The following NAP1L1 variants were observed in gnomAD, a reference collection of about 807,000 sequenced individuals.
NAP1L1 encodes the protein nucleosome assembly protein 1 like 1, also known as nucleosome assembly protein 1-like 1.
In NAP1L1, 9 loss-of-function variants were observed where a neutral mutation model predicts 58.9. The ratio of observed to expected loss-of-function variants is 0.15; its 90% CI spans 0.09 to 0.27. The LOEUF is 0.27. Among genes scored for constraint, NAP1L1 ranks in the 10% least tolerant of loss-of-function variants. The probability of loss-of-function intolerance (pLI) is 1.00; values close to 1 mark genes in which losing one functional copy is unlikely to be tolerated. For synonymous variants in NAP1L1, 130 were observed against 138.3 expected, an observed-to-expected ratio of 0.94 and a Z score of 0.42; for missense variants, 302 against 458.8, an observed-to-expected ratio of 0.66 and a Z score of 3.12.
chr12:76,059,800 A>G lies in NAP1L1; in HGVS notation c.427T>C (p.Ser143Pro). 1 of 1,570,828 alleles carries G rather than the reference A, an allele frequency of 6.4e-7. No homozygotes were observed. The highest frequency in any genetic ancestry group is 8.7e-7 in the Non-Finnish European group (1 of 1,147,146). The part of the protein sequence containing the change: ...EWKPDEEDEI[S>P]EELKEKAKIE... ...ACCAAAATAAAGTTGGTACTAACCGAAATCTCATCTTCTTCATCTGGTTTC... is the reference window on the plus strand; with the variant it reads ...ACCAAAATAAAGTTGGTACTAACCGGAATCTCATCTTCTTCATCTGGTTTC... Residue 143 changes from serine (S) to proline (P), a missense_variant and splice_region_variant, in exon 6 of 15, where the codon TCG becomes CCG. Ser to Pro is a moderately conservative substitution (Grantham distance 74). Coordinates refer to ENST00000618691, the MANE Select transcript of NAP1L1 (RefSeq NM_004537.7).
intron 9 of NAP1L1, 121 bp downstream of exon 9, chr12:76,053,649 A>G (rs1174578847): frequency 7.3e-6 from 9 of 1,226,964 alleles, no homozygotes; most frequent in South Asian, 3.2e-5. Context: ...TTCAGAAAAC[A>G]TATTACCAAA....
chr12:76,061,707 A>T (rs1592651296), intron 4 of NAP1L1, among the ~76,000 whole-genome samples: 1 of 152,224 alleles, frequency 6.6e-6, no homozygotes, highest in African/African-American at 2.4e-5. Flanking sequence ...TCCAGGTTAA[A>T]CTTTCCTGCC....
At chr12:76,068,677 T>G (rs1949795853) in intron 3 of NAP1L1, 1 of 423,606 alleles carries the variant, frequency 2.4e-6, no homozygotes. Context: ...ACTCCAACAG[T>G]GCAGGATGCA....
chr12:76,048,581 T>A lies in NAP1L1; in HGVS notation c.1141-117A>T. 4 of 1,015,290 alleles carry A rather than the reference T, an allele frequency of 3.9e-6. No homozygotes were observed. In the South Asian group the frequency reaches 4.1e-5, roughly 10 times the overall value. 62.9% of individuals were successfully genotyped at this position (1,015,290 alleles called of 1,614,324 possible). A position where few individuals can be genotyped will look rare whatever the true frequency, so the allele number is the denominator to read the frequency against. On this transcript the variant is annotated intron_variant, in intron 14 of 14. Coordinates refer to ENST00000618691, the MANE Select transcript of NAP1L1 (RefSeq NM_004537.7). The stretch of plus-strand genomic sequence containing the variant: ...CTCACTGTTGTCAAAAGAAATGGTA[T>A]AGGACAATGGTGGTAAATTATTTAT...
Position 76,055,557 on chromosome 12 carries a change from C to T in NAP1L1, c.559-467G>A, listed in dbSNP as rs140079655. On this transcript the variant is annotated intron_variant, in intron 7 of 14. Coordinates refer to ENST00000618691, the MANE Select transcript of NAP1L1 (RefSeq NM_004537.7). ...GCAACATGTACTACTACAATGTAGA[C>T]GGTAGGGGCTCACTCAAGAAATGCT... 5.9e-4 allele frequency among the ~76,000 whole-genome samples: 90 copies of T among 152,248 alleles called. 1 individual carries two copies. The highest frequency in any genetic ancestry group is 2.0e-3 in the African/African-American group (85 of 41,528).
intron 5 of NAP1L1, 30 bp from the exon 6 acceptor site, chr12:76,059,908 TAA>T (rs762748479): frequency 6.6e-7 from 1 of 1,504,790 alleles, no homozygotes; most frequent in East Asian, 2.3e-5. Context: ...AAAGGCTGTA[TAA>T]AAACACTGGC....
rs1176829352 is a variant in NAP1L1 at position 76,043,848 on chromosome 12, C to T, written c.*4581G>A. On this transcript the variant is annotated 3_prime_UTR_variant, in exon 15 of 15. Transcript: ENST00000618691. Reference sequence around the variant, plus strand: ...CTATTTTACAACCTCATGAAATTTACCAGAGCCGCAATTGCCTAATACATT... The same window carrying T: ...CTATTTTACAACCTCATGAAATTTATCAGAGCCGCAATTGCCTAATACATT... The T allele has an allele frequency of 6.6e-6, 1 of 152,158 alleles. No homozygotes were observed. Among genetic ancestry groups the T allele is most frequent in the Non-Finnish European group, 1.5e-5 (1 of 68,042 alleles). 9.4% of individuals were successfully genotyped at this position (152,158 alleles called of 1,614,324 possible). A position where few individuals can be genotyped will look rare whatever the true frequency, so the allele number is the denominator to read the frequency against.
intron 4 of NAP1L1, among the ~76,000 whole-genome samples, chr12:76,064,423 ACACT>A (rs1210112840): frequency 6.6e-6 from 1 of 152,208 alleles, no homozygotes; most frequent in African/African-American, 2.4e-5. Flanking sequence ...ACAGATCTTC[ACACT>A]CAACATTTAC....
intron 11 of NAP1L1, among the ~76,000 whole-genome samples, chr12:76,052,867 T>C (rs1332211419): frequency 6.6e-6 from 1 of 152,214 alleles, no homozygotes; most frequent in Non-Finnish European, 1.5e-5. Flanking sequence ...ATATGTGAAG[T>C]TTCAAAAGAA....
At chr12:76,072,158 G>C (rs1345630636) in intron 2 of NAP1L1, among the ~76,000 whole-genome samples, 1 of 150,064 alleles carries the variant, frequency 6.7e-6, no homozygotes, top group East Asian at 1.9e-4. Context: ...ACCAAGTATT[G>C]ATTTATATTT....
At chr12:76,082,119 C>G (rs1329813346) in intron 1 of NAP1L1, among the ~76,000 whole-genome samples, 10 of 152,154 alleles carry the variant, frequency 6.6e-5, no homozygotes, top group Admixed American at 6.5e-4. Context: ...ATTGATGAGT[C>G]ATTCTCTCTA....
chr12:76,038,802 A>G lies in NAP1L1; in HGVS notation c.*9627T>C, dbSNP rs1257307440. 1.3e-5 allele frequency: 2 copies of G among 152,194 alleles called. No homozygotes were observed. The highest frequency in any genetic ancestry group is 2.4e-5 in the African/African-American group (1 of 41,450). 9.4% of individuals were successfully genotyped at this position (152,194 alleles called of 1,614,324 possible). A position where few individuals can be genotyped will look rare whatever the true frequency, so the allele number is the denominator to read the frequency against. On this transcript the variant is annotated 3_prime_UTR_variant, in exon 15 of 15. Transcript: ENST00000618691. ...TCCCATTAGAACCGCCCCCATCACA[A>G]TAACTACCTAAGTAAATCATTGTTG...
intron 4 of NAP1L1, among the ~76,000 whole-genome samples, chr12:76,062,817 A>G (rs893032535): frequency 6.6e-6 from 1 of 152,200 alleles, no homozygotes; most frequent in African/African-American, 2.4e-5. Flanking sequence ...TCTCAGCATT[A>G]AAGCAATATA....
chr12:76,084,374 G>A (rs1360167641), intron 1 of NAP1L1, among the ~76,000 whole-genome samples, 193 bp downstream of exon 1: 2 of 152,068 alleles, frequency 1.3e-5, no homozygotes, highest in Non-Finnish European at 2.9e-5. Flanking sequence ...GGTCGGCCCC[G>A]GGGCCCCTCT....
chr12:76,080,609 C>A (rs1950364773), intron 1 of NAP1L1, among the ~76,000 whole-genome samples: 1 of 152,144 alleles, frequency 6.6e-6, no homozygotes, highest in African/African-American at 2.4e-5. Flanking sequence ...CCATCATTAA[C>A]CATGCATGAC....
chr12:76,071,615 C>T (rs1371411499), intron 2 of NAP1L1, among the ~76,000 whole-genome samples: 1 of 151,880 alleles, frequency 6.6e-6, no homozygotes, highest in African/African-American at 2.4e-5. Context: ...GAGAAGCAGC[C>T]CAATCAGTCT....
intron 1 of NAP1L1, among the ~76,000 whole-genome samples, chr12:76,080,240 G>T (rs148246618): frequency 4.9e-4 from 74 of 152,218 alleles, no homozygotes; most frequent in Non-Finnish European, 9.3e-4. Flanking sequence ...TCATGTTTGT[G>T]GTGATGCTGG....
At chr12:76,052,846 C>T (rs1948906048) in intron 11 of NAP1L1, among the ~76,000 whole-genome samples, 1 of 152,152 alleles carries the variant, frequency 6.6e-6, no homozygotes, top group Non-Finnish European at 1.5e-5. Flanking sequence ...AAAGTTAAAT[C>T]CCTCACAGCA....
intron 6 of NAP1L1, chr12:76,058,120 A>T (rs1447886885): frequency 3.7e-5 from 27 of 721,498 alleles, no homozygotes; most frequent in South Asian, 3.0e-4. Flanking sequence ...CTTGGAGAAG[A>T]AGTGAATTTG....
Sources: allele counts gnomAD v4.1 joint callset (sites outside exome capture counted in the v4.1 genomes callset), GRCh38; gene constraint gnomAD v4.1.1; transcripts MANE v1.5; gene names NCBI Gene and HGNC (gene_info 2026-07-23, HGNC 2026-07-21).